The following DHX8 variants were observed in gnomAD, a reference collection of about 807,000 sequenced individuals.
The protein encoded by DHX8 is DEAH-box helicase 8, also known as ATP-dependent RNA helicase DHX8.
Under a neutral mutation model 140.7 loss-of-function variants are expected in DHX8, and 67 were observed. The ratio of observed to expected loss-of-function variants is 0.48; its 90% CI spans 0.39 to 0.58. The LOEUF is 0.58. DHX8 is among the 20% of genes least tolerant of loss of function. DHX8 has a pLI of 0.00. For missense variants in DHX8, 887 were observed against 1,550.7 expected (o/e 0.57, Z 7.19); for synonymous variants, 533 against 553.2 (o/e 0.96, Z 0.51).
At position 43,492,206 on chromosome 17, in the gene DHX8, G is replaced by A. The variant is rs1298669403; in HGVS notation, c.417G>A (p.Val139=). The change falls in exon 5 of 23, where the codon GTG becomes GTA. Residue 139 remains valine (V), a synonymous_variant. Coordinates refer to ENST00000262415, the MANE Select transcript of DHX8 (RefSeq NM_004941.3). ...AGACCATGTTGGATGAAGATGATGT[G>A]AAAGTTGCTGTGGATGTCCTGAAAG... ...SVRTMLDEDD[V]KVAVDVLKEL... The A allele has an allele frequency of 1.2e-6, 2 of 1,614,004 alleles. No individual in the cohort carries two copies. The highest frequency in any genetic ancestry group is 3.3e-5 in the Admixed American group (2 of 59,998).
chr17:43,526,052 A>C (rs1490189267), downstream of DHX8: 45 of 985,262 alleles, frequency 4.6e-5, no homozygotes, highest in Non-Finnish European at 5.2e-5. Context: ...CTTCTCTGCT[A>C]TGACAACATA....
At chr17:43,512,715 GT>G in intron 16 of DHX8, among the ~76,000 whole-genome samples, 1 of 152,182 alleles carries the variant, frequency 6.6e-6, no homozygotes, top group Admixed American at 6.5e-5. Flanking sequence ...GGTGCCCCCA[GT>G]GATGATTTTT....
intron 3 of DHX8, among the ~76,000 whole-genome samples, chr17:43,543,034 C>T (rs1442552924): frequency 6.6e-6 from 1 of 152,036 alleles, no homozygotes; most frequent in Non-Finnish European, 1.5e-5. Context: ...GGACAGGGCC[C>T]CGGCAGCTGC....
downstream of DHX8, chr17:43,530,524 AGTTCGGT>A (rs1970859216): frequency 1.0e-6 from 1 of 990,884 alleles, no homozygotes; most frequent in Non-Finnish European, 1.3e-6. Context: ...CCGGGGAAAG[AGTTCGGT>A]GTCCACGCCT....
At chr17:43,536,437 T>C in exon 3 of DHX8, 1 of 1,614,222 alleles carries the variant, frequency 6.2e-7, no homozygotes, top group Non-Finnish European at 8.5e-7. Flanking sequence ...GTTTTCTGAA[T>C]GGAAATCAGG....
chr17:43,492,621 G>A (rs1326772814), intron 5 of DHX8, 60 bp from the exon 6 acceptor site: 6 of 1,001,788 alleles, frequency 6.0e-6, no homozygotes, highest in Non-Finnish European at 9.3e-6. Context: ...GGGTGCTTGG[G>A]GATGCGAAGA....
chr17:43,544,794 A>G, downstream of DHX8: 2 of 596,356 alleles, frequency 3.4e-6, no homozygotes, highest in Non-Finnish European at 3.1e-6. Flanking sequence ...TATCAATATA[A>G]GTGTCCACGC....
At position 43,520,350 on chromosome 17, in the gene DHX8, G is replaced by T. The variant is rs1392312165; in HGVS notation, c.2937+83G>T. ...CATCCTTCGGTCTGTACAAAATCAGGCTGAGGCCGTGGATAAGCTTTGAGT... is the reference window on the plus strand; with the variant it reads ...CATCCTTCGGTCTGTACAAAATCAGTCTGAGGCCGTGGATAAGCTTTGAGT... On this transcript the variant is annotated intron_variant, in intron 19 of 22. Coordinates refer to ENST00000262415, the MANE Select transcript of DHX8 (RefSeq NM_004941.3). 19 of 1,510,726 alleles carry T rather than the reference G, an allele frequency of 1.3e-5. No homozygotes were observed. The East Asian group carries it at 4.3e-4, about 34-fold the overall frequency. 93.6% of individuals were successfully genotyped at this position (1,510,726 alleles called of 1,614,324 possible).
In DHX8 at chr17:43,524,051, C is replaced by T; in HGVS notation, c.*204C>T. Reference sequence around the variant, plus strand: ...TTTGGCAAGAGCCTGCAGCCTCCATCACCCCAAGTCCTTGGGCCCAGTTGG... The same window carrying T: ...TTTGGCAAGAGCCTGCAGCCTCCATTACCCCAAGTCCTTGGGCCCAGTTGG... On this transcript the variant is annotated 3_prime_UTR_variant, in exon 23 of 23. Coordinates refer to ENST00000262415, the MANE Select transcript of DHX8 (RefSeq NM_004941.3). The T allele has an allele frequency of 7.1e-7, 1 of 1,414,844 alleles. No individual in the cohort carries two copies. The highest frequency in any genetic ancestry group is 9.2e-7 in the Non-Finnish European group (1 of 1,087,616). The allele number at this position is 1,414,844 out of a possible 1,614,324, so 87.6% of individuals were successfully genotyped here. A position where few individuals can be genotyped will look rare whatever the true frequency, so the allele number is the denominator to read the frequency against.
At chr17:43,484,466 A>G (rs898775629) in intron 1 of DHX8, among the ~76,000 whole-genome samples, 2 of 152,114 alleles carry the variant, frequency 1.3e-5, no homozygotes, top group Non-Finnish European at 2.9e-5. Flanking sequence ...AAACATGTTT[A>G]ACAACAACAG....
Position 43,507,206 on chromosome 17 carries a change from A to G in DHX8, c.1923+9A>G. The G allele has an allele frequency of 6.3e-7, 1 of 1,593,450 alleles. No homozygotes were observed. The highest frequency in any genetic ancestry group is 8.6e-7 in the Non-Finnish European group (1 of 1,169,488). Reference sequence around the variant, plus strand: ...GTTGCTTAGGCCAAGAGGTAAGTAGATAGTGGAGTCGCTCGAAAAATACCA... The same window carrying G: ...GTTGCTTAGGCCAAGAGGTAAGTAGGTAGTGGAGTCGCTCGAAAAATACCA... On this transcript the variant is annotated intron_variant, in intron 13 of 22. Coordinates refer to ENST00000262415, the MANE Select transcript of DHX8 (RefSeq NM_004941.3).
intron 3 of DHX8, among the ~76,000 whole-genome samples, chr17:43,539,845 G>C (rs190848872): frequency 3.9e-5 from 6 of 152,280 alleles, no homozygotes; most frequent in Admixed American, 3.9e-4. Flanking sequence ...TCAACAATTT[G>C]CTTTAAATAT....
chr17:43,528,809 G>T (rs112942514), downstream of DHX8: 5,396 of 1,330,280 alleles, frequency 4.1e-3, 154 homozygotes, highest in African/African-American at 0.061. Flanking sequence ...GGTAAGGTGG[G>T]GGAGTGGGGA....
At chr17:43,504,516 G>A in intron 11 of DHX8, 128 bp from the exon 12 acceptor site, 4 of 856,204 alleles carry the variant, frequency 4.7e-6, no homozygotes, top group Non-Finnish European at 7.3e-6. Context: ...GTTTCTTTGA[G>A]TACTTTTGAT....
Position 43,521,354 on chromosome 17 carries a change from C to A in DHX8, c.3067-15C>A. 1 of 1,602,500 alleles carries A rather than the reference C, an allele frequency of 6.2e-7. No individual in the cohort carries two copies. Among genetic ancestry groups the A allele is most frequent in the Admixed American group, 1.7e-5 (1 of 58,598 alleles). ...TGTTGAGTCGGAAATGTTCCTCTGT[C>A]CCACTGCTTGGCAGGATAAACAAGC... is the stretch of plus-strand genomic sequence containing the variant. On this transcript the variant is annotated splice_polypyrimidine_tract_variant and intron_variant, in intron 20 of 22. Coordinates refer to ENST00000262415, the MANE Select transcript of DHX8 (RefSeq NM_004941.3).
intron 3 of DHX8, among the ~76,000 whole-genome samples, chr17:43,542,709 CAACCACACTGG>C (rs1306247847): frequency 1.3e-5 from 2 of 152,186 alleles, no homozygotes; most frequent in African/African-American, 2.4e-5. Context: ...ACTGAACCTG[CAACCACACTGG>C]AATCTTCCTG....
downstream of DHX8, chr17:43,528,782 G>T: frequency 6.4e-7 from 1 of 1,571,934 alleles, no homozygotes; most frequent in Non-Finnish European, 8.7e-7. Context: ...CTGGCTAGCC[G>T]CCCAGCCTTT....
At chr17:43,530,271 T>A, downstream of DHX8, 1 of 1,533,632 alleles carries the variant, frequency 6.5e-7, no homozygotes, top group Non-Finnish European at 8.8e-7. Context: ...TTCAAGAATT[T>A]CTTCCTTCCA....
At position 43,490,408 on chromosome 17, in the gene DHX8, C is replaced by T. The variant is rs1167654353; in HGVS notation, c.252C>T (p.Asn84=). Residue 84 remains asparagine, a synonymous_variant, in exon 3 of 23, where the codon AAC becomes AAT. Coordinates refer to ENST00000262415, the MANE Select transcript of DHX8 (RefSeq NM_004941.3). ...TTTCAAAGGATTCTCTTATTAGTAA[C>T]TTGCTGCGTCTCATACAAACCATGC... ...GAEFTDSLIS[N]LLRLIQTMRP... 3 of 1,613,440 alleles carry T rather than the reference C, an allele frequency of 1.9e-6. No homozygotes were observed. The African/African-American group carries it at 4.0e-5, about 22-fold the overall frequency.
Sources: allele counts gnomAD v4.1 joint callset (sites outside exome capture counted in the v4.1 genomes callset), GRCh38; gene constraint gnomAD v4.1.1; transcripts MANE v1.5; gene names NCBI Gene and HGNC (gene_info 2026-07-23, HGNC 2026-07-21).